RNFT2: variants seen among roughly 807,000 people sequenced by gnomAD.
RNFT2 encodes the protein ring finger protein, transmembrane 2.
In RNFT2, 36 loss-of-function variants were observed where a neutral mutation model predicts 53.0. That is an observed-to-expected ratio of 0.68 (90% CI 0.52 to 0.90). The LOEUF (loss-of-function observed/expected upper bound fraction) is 0.90. Ranked by LOEUF, RNFT2 falls within the 40% of genes least tolerant of loss-of-function variation. RNFT2 has a pLI of 0.00. For missense variants in RNFT2, 514 were observed against 585.6 expected (o/e 0.88, Z 1.26); for synonymous variants, 260 against 253.2 (o/e 1.03, Z -0.26).
At position 116,834,411 on chromosome 12, in the gene RNFT2, G is replaced by T. The variant is rs1039651406; in HGVS notation, c.1032+470G>T. 3.3e-5 allele frequency among the ~76,000 whole-genome samples: 5 copies of T among 151,968 alleles called. No homozygotes were observed. The South Asian group carries it at 1.0e-3, about 32-fold the overall frequency. On this transcript the variant is annotated intron_variant, in intron 8 of 10. Coordinates refer to ENST00000257575, the MANE Select transcript of RNFT2 (RefSeq NM_001382266.1). ...TGGGATTACAGGCATGAGCCACCAC[G>T]CCCGGCCTCCAGTAACTATTTTAAA...
chr12:116,792,356 A>G (rs556880967), intron 7 of RNFT2, among the ~76,000 whole-genome samples: 25 of 152,090 alleles, frequency 1.6e-4, no homozygotes, highest in African/African-American at 6.0e-4. Flanking sequence ...AGCCTAGAAA[A>G]TTTCTGAGAA....
At chr12:116,743,543 C>T (rs1438751335) in intron 3 of RNFT2, among the ~76,000 whole-genome samples, 3 of 152,104 alleles carry the variant, frequency 2.0e-5, no homozygotes, top group African/African-American at 7.2e-5. Flanking sequence ...GCTGGGATTA[C>T]AGGCATGAGC....
chr12:116,778,648 G>C (rs1873547840), intron 6 of RNFT2, among the ~76,000 whole-genome samples: 1 of 152,244 alleles, frequency 6.6e-6, no homozygotes, highest in Non-Finnish European at 1.5e-5. Context: ...TCAGGAGTTT[G>C]AGACCAGCCT....
intron 5 of RNFT2, among the ~76,000 whole-genome samples, chr12:116,764,541 T>G (rs1200076881): frequency 6.6e-6 from 1 of 151,998 alleles, no homozygotes; most frequent in African/African-American, 2.4e-5. Context: ...GAGTCAGAGG[T>G]CCTTCCTGAC....
intron 7 of RNFT2, among the ~76,000 whole-genome samples, chr12:116,794,335 C>T (rs1874382276): frequency 6.6e-6 from 1 of 151,908 alleles, no homozygotes; most frequent in South Asian, 2.1e-4. Context: ...TAGTGGTTCA[C>T]GTTTGTAATC....
At position 116,750,046 on chromosome 12, in the gene RNFT2, G is replaced by A; in HGVS notation, c.289G>A (p.Glu97Lys). The A allele has an allele frequency of 6.4e-7, 1 of 1,551,256 alleles. No individual in the cohort carries two copies. Among genetic ancestry groups the A allele is most frequent in the Non-Finnish European group, 8.7e-7 (1 of 1,149,252 alleles). ...CATCCAGATGCCCGCGTCCAGGGAG[G>A]AAGGAGGGGGCCGGGGCGAGGGGGG... ...VFIQMPASRE[E>K]GGGRGEGGAY... is the part of the protein sequence containing the mutation. The change falls in exon 4 of 11, where the codon GAA becomes AAA. Residue 97 changes from glutamate to lysine, a missense_variant. By Grantham distance (56) the Glu-to-Lys change is moderately conservative. Coordinates refer to ENST00000257575, the MANE Select transcript of RNFT2 (RefSeq NM_001382266.1).
chr12:116,755,905 G>A (rs918020251), intron 5 of RNFT2: 19 of 1,283,386 alleles, frequency 1.5e-5, no homozygotes, highest in Middle Eastern at 2.1e-4. Flanking sequence ...TGGCAGTTCC[G>A]GCTGAAAGGA....
chr12:116,742,935 AC>A lies in RNFT2; in HGVS notation c.83+1844del, dbSNP rs1871680801. On this transcript the variant is annotated intron_variant, in intron 3 of 10. Coordinates refer to ENST00000257575, the MANE Select transcript of RNFT2 (RefSeq NM_001382266.1). ...CTATCTCTACAAAAAATAAAAACTT[AC>A]CCAGCATGGTGGCATGCATCTGTGG... Among the ~76,000 whole-genome samples the A allele has an allele frequency of 2.0e-5, 3 of 151,250 alleles. No individual in the cohort carries two copies. The South Asian group carries it at 6.3e-4, about 32-fold the overall frequency.
intron 5 of RNFT2, among the ~76,000 whole-genome samples, chr12:116,757,049 C>T (rs929306214): frequency 2.6e-5 from 4 of 151,976 alleles, no homozygotes; most frequent in African/African-American, 9.7e-5. Context: ...CTGATTTAAG[C>T]GAGAAGGGTT....
Position 116,836,203 on chromosome 12 carries a change from G to T in RNFT2, c.1121G>T (p.Gly374Val). The change falls in exon 10 of 11, where the codon GGG (glycine) becomes GTG (valine). Residue 374 changes from glycine to valine, a missense_variant. By Grantham distance (109) the Gly-to-Val change is moderately radical. Transcript: ENST00000257575. Reference sequence around the variant, plus strand: ...AAGAACTATGGAGTCCGAGCCACCGGGCAGCAGTGCACAGAAGCTGGTGAC... The same window carrying T: ...AAGAACTATGGAGTCCGAGCCACCGTGCAGCAGTGCACAGAAGCTGGTGAC... ...TSQNYGVRAT[G>V]QQCTEAGDIC... is the part of the protein sequence containing the mutation. The T allele has an allele frequency of 6.3e-7, 1 of 1,595,906 alleles. No homozygotes were observed.
At chr12:116,779,740 T>C (rs1873604670) in intron 7 of RNFT2, among the ~76,000 whole-genome samples, 1 of 152,146 alleles carries the variant, frequency 6.6e-6, no homozygotes, top group Non-Finnish European at 1.5e-5. Flanking sequence ...GTTCATTTTA[T>C]AGAGGGGACT....
intron 7 of RNFT2, among the ~76,000 whole-genome samples, chr12:116,811,288 G>T (rs1191504003): frequency 6.6e-6 from 1 of 151,980 alleles, no homozygotes; most frequent in Non-Finnish European, 1.5e-5. Flanking sequence ...GGTGGAGACT[G>T]GAGGTGATTT....
At chr12:116,842,141 C>T (rs559727964) in intron 10 of RNFT2, among the ~76,000 whole-genome samples, 1 of 151,116 alleles carries the variant, frequency 6.6e-6, no homozygotes, top group Non-Finnish European at 1.5e-5. Flanking sequence ...GATTCCGTTC[C>T]TAATGGGCTG....
At chr12:116,782,078 C>CAAAAAAAAAAAAAAAAAAA (rs1171955385) in intron 7 of RNFT2, 7 of 1,152 alleles carry the variant, frequency 6.1e-3, no homozygotes, top group Non-Finnish European at 0.013. Flanking sequence ...GACTCCGTCT[C>CAAAAAAAAAAAAAAAAAAA]CAAAAAAAAA....
Position 116,754,061 on chromosome 12 carries a change from G to T in RNFT2, c.627+1G>T. 6.2e-7 allele frequency: 1 copy of T among 1,613,332 alleles called. No individual in the cohort carries two copies. Among genetic ancestry groups the T allele is most frequent in the Non-Finnish European group, 8.5e-7 (1 of 1,179,466 alleles). ...GCTTCGAGAACAGGTCTCACTGAAG[G>T]TGAGTCACTTTCCGACCTAGTCTCC... On this transcript the variant is annotated splice_donor_variant, in intron 5 of 10. Transcript: ENST00000257575. LOFTEE classifies it high-confidence loss of function.
intron 7 of RNFT2, among the ~76,000 whole-genome samples, chr12:116,810,716 C>T (rs139611270): frequency 7.2e-5 from 11 of 152,308 alleles, no homozygotes; most frequent in East Asian, 5.8e-4. Flanking sequence ...TTAAGCAAGG[C>T]AGCCAGGCTC....
intron 7 of RNFT2, among the ~76,000 whole-genome samples, chr12:116,806,436 C>T (rs1367750689): frequency 1.6e-5 from 2 of 126,780 alleles, no homozygotes; most frequent in Non-Finnish European, 3.6e-5. Flanking sequence ...ATAGATTCAT[C>T]TAGTTTAATC....
intron 7 of RNFT2, among the ~76,000 whole-genome samples, chr12:116,794,548 A>C (rs1874396197): frequency 1.3e-5 from 2 of 150,692 alleles, no homozygotes; most frequent in East Asian, 4.0e-4. Flanking sequence ...CAGTGAGCCG[A>C]GATTGTGCCA....
In RNFT2 at chr12:116,836,102, C is replaced by T. The variant is rs538997531; in HGVS notation, c.1098+77C>T. 1.6e-4 allele frequency: 250 copies of T among 1,601,098 alleles called. 2 individuals are homozygous for T. The South Asian group carries it at 2.1e-3, about 14-fold the overall frequency. ...AAACAGCAGCGACCCCTTCCTCAGCCCACAGATCTCACAGTGCTCCTGAGG... is the reference window on the plus strand; with the variant it reads ...AAACAGCAGCGACCCCTTCCTCAGCTCACAGATCTCACAGTGCTCCTGAGG... On this transcript the variant is annotated intron_variant, in intron 9 of 10. Transcript: ENST00000257575.
Sources: gnomAD v4.1 joint callset for allele counts (sites outside exome capture counted in the v4.1 genomes callset) on GRCh38, gnomAD v4.1.1 for gene constraint, MANE v1.5 for transcripts, NCBI Gene and HGNC (gene_info 2026-07-23, HGNC 2026-07-21) for gene names.